Variants in GAS2L3 observed in about 807,000 individuals in gnomAD.
GAS2L3 encodes growth arrest specific 2 like 3, also known as GAS2-like protein 3.
GAS2L3 carries 28 observed loss-of-function variants against 37.0 expected under a neutral mutation model. The observed-to-expected ratio is 0.76, with a 90% CI of 0.56 to 1.04. The LOEUF is 1.04. GAS2L3 is among the 50% of genes least tolerant of loss of function. The pLI, the probability that GAS2L3 is intolerant of heterozygous loss-of-function variation, is 0.00. For synonymous variants in GAS2L3, 290 were observed against 296.6 expected (o/e 0.98, Z 0.23); for missense variants, 793 against 817.6 (o/e 0.97, Z 0.37).
chr12:100,586,571 C>T (rs1180819253), intron 1 of GAS2L3, among the ~76,000 whole-genome samples: 4 of 152,158 alleles, frequency 2.6e-5, no homozygotes, highest in African/African-American at 9.7e-5. Context: ...CTCTAGGATA[C>T]AGCAAAGGCG....
At chr12:100,603,716 C>T (rs1488887659) in intron 5 of GAS2L3, among the ~76,000 whole-genome samples, 4 of 152,056 alleles carry the variant, frequency 2.6e-5, no homozygotes, top group Admixed American at 6.6e-5. Context: ...GACCAATATC[C>T]TGGAGAGTTT....
intron 6 of GAS2L3, among the ~76,000 whole-genome samples, chr12:100,613,705 C>T (rs2136537061): frequency 6.6e-6 from 1 of 152,186 alleles, no homozygotes; most frequent in South Asian, 2.1e-4. Flanking sequence ...CGCCATTCTC[C>T]TGCCTCAGCC....
At chr12:100,609,261 G>T (rs1418166124) in intron 5 of GAS2L3, among the ~76,000 whole-genome samples, 1 of 152,124 alleles carries the variant, frequency 6.6e-6, no homozygotes, top group Non-Finnish European at 1.5e-5. Context: ...CCAATACTGG[G>T]AATATATTCA....
intron 1 of GAS2L3, among the ~76,000 whole-genome samples, chr12:100,586,535 A>G (rs1480305950): frequency 6.6e-6 from 1 of 152,230 alleles, no homozygotes; most frequent in African/African-American, 2.4e-5. Flanking sequence ...GAACTGAACT[A>G]CAGTAGTGAC....
chr12:100,620,832 G>A (rs559212733), intron 8 of GAS2L3, among the ~76,000 whole-genome samples: 1 of 152,106 alleles, frequency 6.6e-6, no homozygotes, highest in South Asian at 2.1e-4. Flanking sequence ...TAATGTATCA[G>A]CATGGTTCTA....
chr12:100,614,782 G>A (rs563274602), intron 6 of GAS2L3, among the ~76,000 whole-genome samples: 1 of 152,266 alleles, frequency 6.6e-6, no homozygotes, highest in East Asian at 1.9e-4. Flanking sequence ...ACAATATGTG[G>A]CATTTTGTGT....
At chr12:100,584,189 A>G (rs375050862) in intron 1 of GAS2L3, among the ~76,000 whole-genome samples, 2 of 152,318 alleles carry the variant, frequency 1.3e-5, no homozygotes, top group South Asian at 4.1e-4. Flanking sequence ...AAAATAGTAA[A>G]AGGCACCATA....
intron 3 of GAS2L3, among the ~76,000 whole-genome samples, chr12:100,598,839 T>G (rs746522512): frequency 3.3e-5 from 5 of 152,212 alleles, no homozygotes; most frequent in Admixed American, 6.5e-5. Flanking sequence ...GGATTCATTC[T>G]TACTTCTCTC....
intron 5 of GAS2L3, among the ~76,000 whole-genome samples, chr12:100,609,290 A>G (rs1371632809): frequency 6.6e-6 from 1 of 152,188 alleles, no homozygotes; most frequent in East Asian, 1.9e-4. Flanking sequence ...TGAAGCTAGC[A>G]TGTCTCAGAG....
chr12:100,609,088 A>G (rs761782581), intron 5 of GAS2L3, among the ~76,000 whole-genome samples: 24 of 151,964 alleles, frequency 1.6e-4, no homozygotes, highest in Non-Finnish European at 3.4e-4. Context: ...GGCCAGTTCC[A>G]GAAATGCTGA....
intron 1 of GAS2L3, chr12:100,580,192 A>G (rs1955693433): frequency 1.0e-5 from 7 of 701,398 alleles, no homozygotes; most frequent in South Asian, 3.3e-5. Context: ...ATCTAAAACC[A>G]GGTAGAAGAG....
At chr12:100,607,939 G>A (rs943734222) in intron 5 of GAS2L3, among the ~76,000 whole-genome samples, 2 of 152,046 alleles carry the variant, frequency 1.3e-5, no homozygotes, top group African/African-American at 2.4e-5. Context: ...TGGTGAGGTC[G>A]TGTTTTCCTG....
chr12:100,591,303 C>G (rs1474229501), intron 1 of GAS2L3, among the ~76,000 whole-genome samples: 1 of 151,760 alleles, frequency 6.6e-6, no homozygotes, highest in Non-Finnish European at 1.5e-5. Context: ...TTAAATAGCC[C>G]CAGAAATAAG....
Position 100,591,873 on chromosome 12 carries a change from C to A in GAS2L3, c.-31+17C>A, listed in dbSNP as rs550346966. 3.0e-4 allele frequency: 45 copies of A among 152,128 alleles called. No individual in the cohort carries two copies. The South Asian group carries it at 9.1e-3, about 31-fold the overall frequency. 9.4% of individuals were successfully genotyped at this position (152,128 alleles called of 1,614,324 possible). ...GTCTTTATGGTGAGTTATTTTAGTACACATTAAGAAATACATGAAATATGA... is the reference window on the plus strand; with the variant it reads ...GTCTTTATGGTGAGTTATTTTAGTAAACATTAAGAAATACATGAAATATGA... On this transcript the variant is annotated intron_variant, in intron 2 of 9. Transcript: ENST00000547754.
chr12:100,601,447 A>T (rs1306035910), intron 4 of GAS2L3, among the ~76,000 whole-genome samples, 191 bp from the exon 5 acceptor site: 1 of 151,974 alleles, frequency 6.6e-6, no homozygotes, highest in Non-Finnish European at 1.5e-5. Context: ...CATTACAGAT[A>T]TTTTTGTTTC....
intron 3 of GAS2L3, among the ~76,000 whole-genome samples, chr12:100,596,152 C>T (rs988279100): frequency 6.6e-6 from 1 of 152,156 alleles, no homozygotes; most frequent in South Asian, 2.1e-4. Context: ...GACTGTCTCC[C>T]AGAAGGTCTT....
At position 100,624,707 on chromosome 12, in the gene GAS2L3, T is replaced by A. The variant is rs1307172046; in HGVS notation, c.1902T>A (p.Thr634=). The change falls in exon 10 of 10, where the codon ACT becomes ACA. Residue 634 remains threonine, a synonymous_variant. Transcript: ENST00000547754. ...KTQTAPKSAQ[T]VAKSQHSTKG... The stretch of plus-strand genomic sequence containing the variant: ...AAACTGCACCGAAGTCAGCACAGAC[T>A]GTCGCTAAGAGCCAGCATTCAACTA... The A allele has an allele frequency of 1.2e-6, 2 of 1,613,942 alleles. No individual in the cohort carries two copies. The highest frequency in any genetic ancestry group is 2.7e-5 in the African/African-American group (2 of 74,910).
chr12:100,595,335 A>G (rs778635895), intron 3 of GAS2L3, among the ~76,000 whole-genome samples: 3 of 151,602 alleles, frequency 2.0e-5, no homozygotes, highest in Non-Finnish European at 4.4e-5. Flanking sequence ...TAAATTTCAG[A>G]TAGTTGTTCA....
At chr12:100,591,640 T>TCC (rs1955848022) in intron 1 of GAS2L3, 96 bp from the exon 2 acceptor site, 1 of 152,186 alleles carries the variant, frequency 6.6e-6, no homozygotes, top group Non-Finnish European at 1.5e-5. Flanking sequence ...ATTCATTTGT[T>TCC]AAGTGCTAAC....
Sources: allele counts gnomAD v4.1 joint callset (sites outside exome capture counted in the v4.1 genomes callset), GRCh38; gene constraint gnomAD v4.1.1; transcripts MANE v1.5; gene names NCBI Gene and HGNC (gene_info 2026-07-23, HGNC 2026-07-21).